Variants in ATG5 observed in about 807,000 individuals in gnomAD.
ATG5 encodes autophagy protein 5.
A neutral mutation model predicts 36.5 loss-of-function variants in ATG5; 14 were observed. The ratio of observed to expected loss-of-function variants is 0.38; its 90% CI spans 0.25 to 0.60. ATG5 has a LOEUF of 0.60. ATG5 is among the 20% of genes least tolerant of loss of function. ATG5 has a pLI of 0.60. For synonymous variants in ATG5, 95 were observed against 101.5 expected, an observed-to-expected ratio of 0.94 and a Z score of 0.38; for missense variants, 195 against 326.7, an observed-to-expected ratio of 0.60 and a Z score of 3.11.
chr6:106,294,376 C>A (rs1260911245), intron 3 of ATG5, among the ~76,000 whole-genome samples: 1 of 151,692 alleles, frequency 6.6e-6, no homozygotes, highest in Non-Finnish European at 1.5e-5. Flanking sequence ...GATAGCCCTG[C>A]ACTGCAAGGA....
At chr6:106,210,282 A>G (rs1776805437) in intron 6 of ATG5, among the ~76,000 whole-genome samples, 1 of 152,212 alleles carries the variant, frequency 6.6e-6, no homozygotes, top group Non-Finnish European at 1.5e-5. Context: ...TCAAAACAAA[A>G]GTAATGTTTA....
chr6:106,277,360 G>T (rs1377566060), intron 5 of ATG5, among the ~76,000 whole-genome samples: 1 of 152,228 alleles, frequency 6.6e-6, no homozygotes, highest in Non-Finnish European at 1.5e-5. Flanking sequence ...GGAATTACAG[G>T]ACATGCCCTC....
chr6:106,220,278 C>T (rs1777192297), intron 6 of ATG5, among the ~76,000 whole-genome samples: 1 of 152,238 alleles, frequency 6.6e-6, no homozygotes, highest in East Asian at 1.9e-4. Flanking sequence ...AATCAATGCA[C>T]ACAACAATAC....
rs977845632 is a variant in ATG5 at position 106,298,805 on chromosome 6, T to G, written c.237-5699A>C. 9.8e-5 allele frequency among the ~76,000 whole-genome samples: 15 copies of G among 152,330 alleles called. 2 individuals carry two copies. The highest frequency in any genetic ancestry group is 7.8e-4 in the Admixed American group (12 of 15,300). On this transcript the variant is annotated intron_variant, in intron 3 of 7. Coordinates refer to ENST00000369076, the MANE Select transcript of ATG5 (RefSeq NM_004849.4). ...TATCTGAATTCACTGGTTCCCAGAT[T>G]GCTTATTTCTAATGAATCTACTGAT...
At position 106,297,388 on chromosome 6, in the gene ATG5, T is replaced by G. The variant is rs142985032; in HGVS notation, c.237-4282A>C. ...GGCTGCTCAGTCTAATTGGTGTTGATTCACATAAAAAAGAAAATATTTCAT... is the reference window on the plus strand; with the variant it reads ...GGCTGCTCAGTCTAATTGGTGTTGAGTCACATAAAAAAGAAAATATTTCAT... On this transcript the variant is annotated intron_variant, in intron 3 of 7. Transcript: ENST00000369076. Among the ~76,000 whole-genome samples the G allele has an allele frequency of 7.9e-3, 1,205 of 152,240 alleles. 5 individuals are homozygous for G. The highest frequency in any genetic ancestry group is 0.031 in the Middle Eastern group (9 of 294).
At chr6:106,312,302 C>G (rs538154161) in intron 2 of ATG5, among the ~76,000 whole-genome samples, 1 of 152,108 alleles carries the variant, frequency 6.6e-6, no homozygotes, top group Admixed American at 6.6e-5. Flanking sequence ...AAGAGTAGTT[C>G]TTCTTGCCAA....
chr6:106,281,210 A>G (rs1024177968), intron 4 of ATG5, among the ~76,000 whole-genome samples: 2 of 152,208 alleles, frequency 1.3e-5, no homozygotes, highest in Non-Finnish European at 2.9e-5. Flanking sequence ...TTAAAAGTCA[A>G]ACTTATGATT....
intron 3 of ATG5, among the ~76,000 whole-genome samples, chr6:106,304,858 C>G (rs988987087): frequency 2.0e-5 from 3 of 152,030 alleles, no homozygotes; most frequent in Admixed American, 2.0e-4. Flanking sequence ...TTGGGAGGCC[C>G]AGGCAGGTGG....
At chr6:106,258,359 C>G (rs60145393) in intron 5 of ATG5, among the ~76,000 whole-genome samples, 3,734 of 151,050 alleles carry the variant, frequency 0.025, 64 homozygotes, top group African/African-American at 0.05. Flanking sequence ...GGTGACAGAG[C>G]AAGGAGGCCC....
rs183517994 is a variant in ATG5 at position 106,272,395 on chromosome 6, C to T, written c.478+7266G>A. 7.9e-5 allele frequency among the ~76,000 whole-genome samples: 12 copies of T among 152,312 alleles called. No individual in the cohort carries two copies. The East Asian group carries it at 2.3e-3, about 29-fold the overall frequency. Reference sequence around the variant, plus strand: ...GGCCTACAAAGCCCTGAACAGGCAGCGTCTCTGCCTGACTTCCAGTTTGAC... The same window carrying T: ...GGCCTACAAAGCCCTGAACAGGCAGTGTCTCTGCCTGACTTCCAGTTTGAC... On this transcript the variant is annotated intron_variant, in intron 5 of 7. Transcript: ENST00000369076.
intron 4 of ATG5, among the ~76,000 whole-genome samples, chr6:106,286,320 T>C (rs1019796354): frequency 1.3e-5 from 2 of 152,204 alleles, no homozygotes; most frequent in African/African-American, 4.8e-5. Context: ...GGGGCTCACC[T>C]TGTTTGTTCC....
intron 6 of ATG5, among the ~76,000 whole-genome samples, chr6:106,221,259 T>G (rs540252018): frequency 6.6e-6 from 1 of 152,344 alleles, no homozygotes; most frequent in African/African-American, 2.4e-5. Flanking sequence ...TTGTAATATT[T>G]TCTTCTAAGA....
chr6:106,317,736 C>T (rs1256254956), intron 1 of ATG5, among the ~76,000 whole-genome samples: 5 of 152,150 alleles, frequency 3.3e-5, no homozygotes, highest in Non-Finnish European at 7.4e-5. Context: ...TGAGTTTCTG[C>T]ATTTGGCAAA....
chr6:106,223,837 A>G (rs1398073655), intron 6 of ATG5, among the ~76,000 whole-genome samples: 1 of 152,236 alleles, frequency 6.6e-6, no homozygotes, highest in African/African-American at 2.4e-5. Context: ...TCCAAGTTCT[A>G]CTGTTGGCTC....
intron 6 of ATG5, among the ~76,000 whole-genome samples, chr6:106,209,714 T>A: frequency 6.6e-6 from 1 of 152,228 alleles, no homozygotes; most frequent in Non-Finnish European, 1.5e-5. Flanking sequence ...ATTATATTAA[T>A]ACAATTTCCT....
At chr6:106,280,847 T>C (rs988593289) in intron 4 of ATG5, among the ~76,000 whole-genome samples, 1 of 152,178 alleles carries the variant, frequency 6.6e-6, no homozygotes, top group African/African-American at 2.4e-5. Flanking sequence ...AAGGCTAATT[T>C]GACTCAAGTC....
At chr6:106,239,195 T>G (rs545074236) in intron 6 of ATG5, among the ~76,000 whole-genome samples, 5 of 151,644 alleles carry the variant, frequency 3.3e-5, no homozygotes, top group Non-Finnish European at 5.9e-5. Context: ...CACAATAGGA[T>G]GAGATTTTTG....
intron 2 of ATG5, among the ~76,000 whole-genome samples, chr6:106,310,876 G>A (rs1283845065): frequency 6.6e-6 from 1 of 152,074 alleles, no homozygotes; most frequent in Non-Finnish European, 1.5e-5. Flanking sequence ...CTTTGAATAA[G>A]ATTAACCACA....
At chr6:106,254,051 T>A (rs1778703775) in intron 5 of ATG5, among the ~76,000 whole-genome samples, 1 of 152,162 alleles carries the variant, frequency 6.6e-6, no homozygotes. Context: ...CTACCTACCT[T>A]ACTTACTAAG....
Sources: gnomAD v4.1 joint callset for allele counts (sites outside exome capture counted in the v4.1 genomes callset) on GRCh38, gnomAD v4.1.1 for gene constraint, MANE v1.5 for transcripts, NCBI Gene and HGNC (gene_info 2026-07-23, HGNC 2026-07-21) for gene names.